Variants in PMS2 observed in about 807,000 individuals in gnomAD.
The protein encoded by PMS2 is PMS1 homolog 2, mismatch repair system component.
A neutral mutation model predicts 90.0 loss-of-function variants in PMS2; 69 were observed. The ratio of observed to expected loss-of-function variants is 0.77; its 90% CI spans 0.63 to 0.94. The LOEUF is 0.94. Among genes scored for constraint, PMS2 ranks in the 40% least tolerant of loss-of-function variants. The pLI is 0.00. For missense variants in PMS2, 966 were observed against 1,040.2 expected (o/e 0.93, Z 0.98); for synonymous variants, 332 against 375.1 (o/e 0.89, Z 1.33).
At chr7:6,007,513 C>T (rs1049388223) in intron 1 of PMS2, among the ~76,000 whole-genome samples, 1 of 152,178 alleles carries the variant, frequency 6.6e-6, no homozygotes, top group African/African-American at 2.4e-5. Flanking sequence ...TCTCCTCTTC[C>T]TCCTCTGCCC....
chr7:5,992,166 CTTTTT>C, intron 8 of PMS2, 109 bp from the exon 9 acceptor site: 1 of 648,110 alleles, frequency 1.5e-6, no homozygotes, highest in Non-Finnish European at 2.8e-6. Context: ...GAAGGGGATA[CTTTTT>C]TGTTTTTTTT....
chr7:5,997,481 A>C, intron 6 of PMS2, 58 bp from the exon 7 acceptor site: 1 of 954,906 alleles, frequency 1.0e-6, no homozygotes, highest in African/African-American at 1.6e-5. Flanking sequence ...AGTGGACTTA[A>C]TCTGTTTTCT....
At chr7:5,984,067 C>G (rs1290862645) in intron 11 of PMS2, among the ~76,000 whole-genome samples, 1 of 151,860 alleles carries the variant, frequency 6.6e-6, no homozygotes, top group Non-Finnish European at 1.5e-5. Flanking sequence ...ATAGCGCACT[C>G]AAAGCTGCAA....
At chr7:6,008,714 G>T (rs958148791) in intron 1 of PMS2, among the ~76,000 whole-genome samples, 2 of 151,798 alleles carry the variant, frequency 1.3e-5, no homozygotes, top group Non-Finnish European at 2.9e-5. Flanking sequence ...CCCTGTGATG[G>T]GATGTGGGCA....
intron 8 of PMS2, among the ~76,000 whole-genome samples, chr7:5,992,438 G>T (rs1783874829): frequency 6.6e-6 from 1 of 151,522 alleles, no homozygotes; most frequent in Non-Finnish European, 1.5e-5. Context: ...TCCTGACTCA[G>T]CCTCCAGAGT....
chr7:5,998,717 C>G (rs1045303248), intron 6 of PMS2, among the ~76,000 whole-genome samples: 2 of 148,342 alleles, frequency 1.3e-5, no homozygotes, highest in African/African-American at 5.0e-5. Context: ...ACCGGCCGGG[C>G]TTGGTGGCTC....
intron 1 of PMS2, 179 bp from the exon 2 acceptor site, chr7:6,006,210 A>C (rs1785747959): frequency 7.0e-6 from 5 of 713,560 alleles, no homozygotes; most frequent in South Asian, 6.9e-5. Context: ...ACAATCCTTA[A>C]ACATGTACCC....
intron 5 of PMS2, among the ~76,000 whole-genome samples, chr7:6,000,177 C>A (rs1784935294): frequency 6.6e-6 from 1 of 151,796 alleles, no homozygotes; most frequent in Non-Finnish European, 1.5e-5. Context: ...GAGTTCGAGA[C>A]CTGCCTGGGC....
Position 5,987,054 on chromosome 7 carries a change from G to T in PMS2, c.1711C>A (p.Leu571Ile), listed in dbSNP as rs63750055. ...AAACGCTTTGTGTTTGGGGTTGCGA[G>T]ATTAGTTGGCTGAGGCAAAACTCGA... ...KFRVLPQPTN[L>I]ATPNTKRFKK... The change falls in exon 11 of 15, where the codon CTC becomes ATC. Residue 571 changes from leucine to isoleucine, a missense_variant. Leu to Ile is a conservative substitution (Grantham distance 5). Around this residue, in one of 2 missense-constraint regions of PMS2, gnomAD observed 871 missense variants for 802.4 expected, o/e 1.09. Coordinates refer to ENST00000265849, the MANE Select transcript of PMS2 (RefSeq NM_000535.7). The T allele has an allele frequency of 1.8e-3, 2,841 of 1,614,158 alleles. 31 individuals carry two copies. In the African/African-American group the frequency reaches 0.022, roughly 12 times the overall value.
intron 1 of PMS2, 172 bp from the exon 2 acceptor site, chr7:6,006,203 A>G (rs1785747387): frequency 2.7e-6 from 2 of 754,466 alleles, no homozygotes; most frequent in Non-Finnish European, 4.3e-6. Context: ...CTGTTTTACA[A>G]TCCTTAAACA....
In PMS2 at chr7:5,997,430, A is replaced by C. The variant is rs1459714978; in HGVS notation, c.706-7T>G. On this transcript the variant is annotated splice_region_variant and splice_polypyrimidine_tract_variant and intron_variant, in intron 6 of 14. Coordinates refer to ENST00000265849, the MANE Select transcript of PMS2 (RefSeq NM_000535.7). ...AAGGAATGAGGCTTTGCAACTGAAAAAAAAAAAAAAAAATTCACAGTTACT... is the reference window on the plus strand; with the variant it reads ...AAGGAATGAGGCTTTGCAACTGAAACAAAAAAAAAAAAATTCACAGTTACT... The C allele has an allele frequency of 1.4e-6, 2 of 1,432,934 alleles. No homozygotes were observed. Among genetic ancestry groups the C allele is most frequent in the South Asian group, 1.2e-5 (1 of 81,720 alleles). 88.8% of individuals were successfully genotyped at this position (1,432,934 alleles called of 1,614,324 possible).
intron 1 of PMS2, among the ~76,000 whole-genome samples, chr7:6,006,974 T>A (rs1162723555): frequency 1.3e-5 from 2 of 152,110 alleles, no homozygotes; most frequent in East Asian, 3.9e-4. Flanking sequence ...TGCTTAAAAA[T>A]TTACTAGTGC....
At chr7:5,994,669 G>A (rs899910644) in intron 8 of PMS2, among the ~76,000 whole-genome samples, 2 of 151,704 alleles carry the variant, frequency 1.3e-5, no homozygotes, top group African/African-American at 2.4e-5. Flanking sequence ...CCAGCTACTC[G>A]GGAGGCTGAG....
At chr7:6,007,427 A>C (rs1933084539) in intron 1 of PMS2, among the ~76,000 whole-genome samples, 1 of 152,180 alleles carries the variant, frequency 6.6e-6, no homozygotes. Context: ...ATATTGTAGC[A>C]CAGTGAACAA....
intron 6 of PMS2, 59 bp downstream of exon 6, chr7:5,999,049 G>A (rs2128798237): frequency 6.6e-7 from 1 of 1,518,878 alleles, no homozygotes. Flanking sequence ...AAGGGACAAT[G>A]GAAACCCGCT....
Position 6,002,504 on chromosome 7 carries a change from T to G in PMS2, c.486A>C (p.Leu162Phe), listed in dbSNP as rs1479722146. 6.2e-7 allele frequency: 1 copy of G among 1,611,702 alleles called. No individual in the cohort carries two copies. Among genetic ancestry groups the G allele is most frequent in the South Asian group, 1.1e-5 (1 of 90,986 alleles). ...PRGTTVSVQQLFSTLPVRHKE... is the reference protein window; with the variant it reads ...PRGTTVSVQQFFSTLPVRHKE... Reference sequence around the variant, plus strand: ...TATGGCGCACAGGTAGTGTGGAAAATAACTGCTGCACGCTGACTGTGGTCC... The same window carrying G: ...TATGGCGCACAGGTAGTGTGGAAAAGAACTGCTGCACGCTGACTGTGGTCC... Residue 162 changes from leucine (L) to phenylalanine (F), a missense_variant, in exon 5 of 15, where the codon TTA (leucine) becomes TTC (phenylalanine). Leu to Phe is a conservative substitution (Grantham distance 22). Transcript: ENST00000265849.
rs2128730424 is a variant in PMS2 at position 5,987,317 on chromosome 7, T to A, written c.1448A>T (p.Asp483Val). 1.2e-6 allele frequency: 2 copies of A among 1,614,022 alleles called. No individual in the cohort carries two copies. The highest frequency in any genetic ancestry group is 1.7e-6 in the Non-Finnish European group (2 of 1,180,002). ...EAVSSSHGPS[D>V]PTDRAEVEKD... ...CTCCACCTCCGCTCTGTCCGTAGGG[T>A]CACTGGGTCCGTGACTGGAACTCAC... Residue 483 changes from aspartate to valine, a missense_variant, in exon 11 of 15, where the codon GAC becomes GTC. Around this residue, in one of 2 missense-constraint regions of PMS2, gnomAD observed 871 missense variants for 802.4 expected, o/e 1.09. Transcript: ENST00000265849.
At chr7:5,985,254 T>C (rs1782729542) in intron 11 of PMS2, among the ~76,000 whole-genome samples, 1 of 150,054 alleles carries the variant, frequency 6.7e-6, no homozygotes, top group Non-Finnish European at 1.5e-5. Flanking sequence ...TACAGCAATG[T>C]ACTTAGCTAA....
rs371402182 is a variant in PMS2 at position 5,999,167 on chromosome 7, A to C, written c.646T>G (p.Cys216Gly). The change falls in exon 6 of 15, where the codon TGC becomes GGC. Residue 216 changes from cysteine (C) to glycine (G), a missense_variant. Coordinates refer to ENST00000265849, the MANE Select transcript of PMS2 (RefSeq NM_000535.7). ...LGQGKRQPVV[C>G]TGGSPSIKEN... ...TTTATGCTGGGGCTTCCACCTGTGCATACCACAGGCTGTCGTTTTCCTTGT... is the reference window on the plus strand; with the variant it reads ...TTTATGCTGGGGCTTCCACCTGTGCCTACCACAGGCTGTCGTTTTCCTTGT... 6.2e-7 allele frequency: 1 copy of C among 1,614,064 alleles called. No homozygotes were observed. The highest frequency in any genetic ancestry group is 1.1e-5 in the South Asian group (1 of 91,090).
Sources: gnomAD v4.1 joint callset for allele counts (sites outside exome capture counted in the v4.1 genomes callset) on GRCh38, gnomAD v4.1.1 for gene constraint, gnomAD v4.1.1 regional missense constraint, MANE v1.5 for transcripts, NCBI Gene and HGNC (gene_info 2026-07-23, HGNC 2026-07-21) for gene names.